The following PRKCQ variants were observed in gnomAD, a reference collection of about 807,000 sequenced individuals.
PRKCQ encodes the protein protein kinase C theta type.
A neutral mutation model predicts 91.2 loss-of-function variants in PRKCQ; 41 were observed. The observed-to-expected ratio is 0.45, with a 90% CI of 0.35 to 0.58. PRKCQ has a LOEUF of 0.58. Ranked by LOEUF, PRKCQ falls within the 20% of genes least tolerant of loss-of-function variation. PRKCQ has a pLI of 0.00. For missense variants in PRKCQ, 673 were observed against 896.5 expected, an observed-to-expected ratio of 0.75 and a Z score of 3.18; for synonymous variants, 307 against 316.9, an observed-to-expected ratio of 0.97 and a Z score of 0.33.
At chr10:6,489,603 G>C in intron 8 of PRKCQ, 1 of 408,886 alleles carries the variant, frequency 2.4e-6, no homozygotes, top group Non-Finnish European at 5.0e-6. Flanking sequence ...AGTCGAGAAA[G>C]GAGGACGCGG....
intron 1 of PRKCQ, among the ~76,000 whole-genome samples, chr10:6,543,541 T>A (rs1220409000): frequency 6.6e-6 from 1 of 152,194 alleles, no homozygotes. Flanking sequence ...AGCAGCAGCT[T>A]CTGTCACCCT....
chr10:6,432,881 C>T (rs1233096905), intron 16 of PRKCQ, among the ~76,000 whole-genome samples: 1 of 152,142 alleles, frequency 6.6e-6, no homozygotes, highest in Non-Finnish European at 1.5e-5. Context: ...CCATGAGATA[C>T]CCTCCCCTAG....
intron 15 of PRKCQ, among the ~76,000 whole-genome samples, chr10:6,451,795 T>C (rs1457325223): frequency 1.3e-5 from 2 of 152,144 alleles, no homozygotes; most frequent in Admixed American, 6.5e-5. Context: ...ATAAATGTAA[T>C]CCAGCATATA....
chr10:6,482,255 G>A (rs979917933), intron 11 of PRKCQ, among the ~76,000 whole-genome samples: 1 of 152,180 alleles, frequency 6.6e-6, no homozygotes, highest in African/African-American at 2.4e-5. Flanking sequence ...AAGGTTAGAT[G>A]AGGTTATTAA....
chr10:6,534,787 T>G (rs907381005), intron 1 of PRKCQ, among the ~76,000 whole-genome samples: 427 of 145,520 alleles, frequency 2.9e-3, no homozygotes, highest in African/African-American at 0.01. Context: ...TATATATATA[T>G]ATATAGATAT....
intron 15 of PRKCQ, among the ~76,000 whole-genome samples, chr10:6,449,476 C>T (rs1174849740): frequency 3.9e-5 from 6 of 152,048 alleles, no homozygotes; most frequent in Non-Finnish European, 2.9e-5. Flanking sequence ...CTGAAAGTGA[C>T]AGGGAGAATG....
intron 16 of PRKCQ, among the ~76,000 whole-genome samples, chr10:6,431,870 T>C (rs1001563980): frequency 6.6e-6 from 1 of 152,222 alleles, no homozygotes; most frequent in Non-Finnish European, 1.5e-5. Flanking sequence ...TACATACATA[T>C]GTACATTCCT....
At chr10:6,418,955 ATATCTATCTATCTATCTATCTATCTATC>A in the PRKCQ span, among the ~76,000 whole-genome samples, 17 of 147,084 alleles carry the variant, frequency 1.2e-4, no homozygotes, top group African/African-American at 1.5e-4. Context: ...ATCTTATCTA[ATATCTATCTATCTATCTATCTATCTATC>A]TATCTATCTA....
Position 6,498,566 on chromosome 10 carries a change from AAG to A in PRKCQ, c.380-10_380-9del. 1 of 1,613,260 alleles carries A rather than the reference AAG, an allele frequency of 6.2e-7. No homozygotes were observed. The highest frequency in any genetic ancestry group is 8.5e-7 in the Non-Finnish European group (1 of 1,179,480). On this transcript the variant is annotated splice_polypyrimidine_tract_variant and intron_variant, in intron 4 of 17. Coordinates refer to ENST00000263125, the MANE Select transcript of PRKCQ (RefSeq NM_006257.5). ...CATTCATGTCCTTTGTGTCTACAGG[AAG>A]AGAGAGGGGAAGAAAGTGAAGTTCT...
At chr10:6,570,111 G>C (rs79319235) in intron 1 of PRKCQ, among the ~76,000 whole-genome samples, 5,046 of 152,252 alleles carry the variant, frequency 0.033, 291 homozygotes, top group African/African-American at 0.12. Flanking sequence ...CAATGTCCCA[G>C]GATGCATGTG....
intron 1 of PRKCQ, among the ~76,000 whole-genome samples, chr10:6,537,435 G>C (rs1839625356): frequency 6.6e-6 from 1 of 152,188 alleles, no homozygotes; most frequent in Non-Finnish European, 1.5e-5. Flanking sequence ...GCTCAGAGAG[G>C]TGAAGACCTT....
At chr10:6,409,249 C>T in the PRKCQ span, among the ~76,000 whole-genome samples, 7 of 152,096 alleles carry the variant, frequency 4.6e-5, no homozygotes, top group African/African-American at 9.7e-5. Context: ...GGGTGTTCCC[C>T]GCAGCCAGAA....
At chr10:6,562,322 T>G (rs1367112073) in intron 1 of PRKCQ, among the ~76,000 whole-genome samples, 3 of 152,170 alleles carry the variant, frequency 2.0e-5, no homozygotes, top group Non-Finnish European at 4.4e-5. Context: ...CGGAGTTCCA[T>G]GCGGTTTTTC....
chr10:6,446,609 G>A (rs1393008480), intron 15 of PRKCQ, among the ~76,000 whole-genome samples: 7 of 151,888 alleles, frequency 4.6e-5, no homozygotes, highest in Non-Finnish European at 8.8e-5. Context: ...CAGGTGATCC[G>A]CCTACCTCCG....
At chr10:6,504,728 G>A (rs956836025) in intron 4 of PRKCQ, among the ~76,000 whole-genome samples, 35 of 152,014 alleles carry the variant, frequency 2.3e-4, no homozygotes, top group African/African-American at 8.5e-4. Context: ...CTAATAATGA[G>A]CTTTCTTAAA....
At chr10:6,415,405 CATATATATATATATATATATATAT>C in the PRKCQ span, among the ~76,000 whole-genome samples, 4,955 of 104,854 alleles carry the variant, frequency 0.047, 246 homozygotes, top group African/African-American at 0.13. Context: ...CAAGAAAATA[CATATATATATATATATATATATAT>C]ATATATATAT....
At chr10:6,424,528 C>T (rs1328175665), downstream of PRKCQ, among the ~76,000 whole-genome samples, 2 of 152,098 alleles carry the variant, frequency 1.3e-5, no homozygotes, top group African/African-American at 2.4e-5. Flanking sequence ...GAGAAGTCTT[C>T]CTTGGTTTGC....
At chr10:6,520,276 C>T (rs980801510) in intron 1 of PRKCQ, among the ~76,000 whole-genome samples, 3 of 152,184 alleles carry the variant, frequency 2.0e-5, no homozygotes, top group African/African-American at 7.2e-5. Flanking sequence ...TGCCGCGACG[C>T]CCGGCCCTCA....
chr10:6,507,340 T>G, intron 4 of PRKCQ, 96 bp downstream of exon 4: 1 of 1,228,180 alleles, frequency 8.1e-7, no homozygotes, highest in Non-Finnish European at 1.2e-6. Context: ...TTCTCCTGAT[T>G]CTCTTCTACA....
Sources: allele counts gnomAD v4.1 joint callset (sites outside exome capture counted in the v4.1 genomes callset), GRCh38; gene constraint gnomAD v4.1.1; transcripts MANE v1.5; gene names NCBI Gene and HGNC (gene_info 2026-07-23, HGNC 2026-07-21).